The following RUNX1 variants were observed in gnomAD, a reference collection of about 807,000 sequenced individuals.
The protein encoded by RUNX1 is runt-related transcription factor 1.
A neutral mutation model predicts 42.8 loss-of-function variants in RUNX1; 19 were observed. The ratio of observed to expected loss-of-function variants is 0.44; its 90% CI spans 0.31 to 0.65. RUNX1 has a LOEUF of 0.65. Among genes scored for constraint, RUNX1 ranks in the 30% least tolerant of loss-of-function variants. The probability of loss-of-function intolerance (pLI) is 0.07; values close to 1 mark genes in which losing one functional copy is unlikely to be tolerated. For synonymous variants in RUNX1, 271 were observed against 289.4 expected, an observed-to-expected ratio of 0.94 and a Z score of 0.64; for missense variants, 528 against 672.0, an observed-to-expected ratio of 0.79 and a Z score of 2.37.
chr21:34,918,128 A>C (rs942221962), intron 2 of RUNX1, among the ~76,000 whole-genome samples: 7 of 46,306 alleles, frequency 1.5e-4, no homozygotes, highest in Non-Finnish European at 3.6e-4. Flanking sequence ...ACTCTGTCTC[A>C]AAAAAAAAAA....
chr21:34,836,881 T>A (rs2057154748), intron 6 of RUNX1, among the ~76,000 whole-genome samples: 1 of 152,184 alleles, frequency 6.6e-6, no homozygotes, highest in South Asian at 2.1e-4. Flanking sequence ...GGCAGTTGTG[T>A]CTCTCTTAGC....
chr21:34,923,449 C>T (rs1310660564), intron 2 of RUNX1, among the ~76,000 whole-genome samples: 1 of 152,180 alleles, frequency 6.6e-6, no homozygotes, highest in African/African-American at 2.4e-5. Context: ...GTTGTGACGT[C>T]ATGAAAACTT....
chr21:34,888,421 T>A, intron 3 of RUNX1: 3 of 1,066,602 alleles, frequency 2.8e-6, no homozygotes, highest in Non-Finnish European at 3.4e-6. Context: ...AGGAAAACAA[T>A]TGGGGAAAAG....
chr21:34,822,451 C>G (rs1010966885), intron 7 of RUNX1, among the ~76,000 whole-genome samples: 15 of 152,182 alleles, frequency 9.9e-5, no homozygotes, highest in African/African-American at 3.6e-4. Flanking sequence ...TCTGTGATAA[C>G]CCAGGTATAG....
intron 2 of RUNX1, among the ~76,000 whole-genome samples, chr21:34,991,808 G>A (rs1281101896): frequency 6.6e-6 from 1 of 152,154 alleles, no homozygotes; most frequent in Non-Finnish European, 1.5e-5. Flanking sequence ...GTTAAGACGA[G>A]GTCATCCTGG....
At chr21:34,941,173 T>C (rs879848981) in intron 2 of RUNX1, among the ~76,000 whole-genome samples, 22 of 152,210 alleles carry the variant, frequency 1.4e-4, no homozygotes, top group Non-Finnish European at 2.5e-4. Context: ...GTGACAACCC[T>C]GTGTTCCCTC....
intron 2 of RUNX1, among the ~76,000 whole-genome samples, chr21:35,026,842 C>A (rs2059240966): frequency 6.6e-6 from 1 of 152,352 alleles, no homozygotes; most frequent in East Asian, 1.9e-4. Flanking sequence ...AGCTCTGGTG[C>A]GCAGCGCGCC....
At chr21:34,861,549 C>T (rs1305815321) in intron 5 of RUNX1, among the ~76,000 whole-genome samples, 1 of 152,188 alleles carries the variant, frequency 6.6e-6, no homozygotes, top group Non-Finnish European at 1.5e-5. Context: ...ACTCCAGAAC[C>T]TGCTTTTAGG....
At chr21:34,852,050 C>G (rs1035426941) in intron 6 of RUNX1, among the ~76,000 whole-genome samples, 7 of 152,166 alleles carry the variant, frequency 4.6e-5, no homozygotes, top group African/African-American at 1.7e-4. Flanking sequence ...CACCTGTAGT[C>G]CCAGCTACTC....
At chr21:34,980,049 T>C (rs2058835551) in intron 2 of RUNX1, among the ~76,000 whole-genome samples, 2 of 152,178 alleles carry the variant, frequency 1.3e-5, no homozygotes, top group African/African-American at 4.8e-5. Context: ...GTGGAAGGAT[T>C]AAATGAGTCA....
At position 35,010,625 on chromosome 21, in the gene RUNX1, G is replaced by GCGCACA. The variant is rs376461042; in HGVS notation, c.58+38216_58+38217insTGTGCG. On this transcript the variant is annotated intron_variant, in intron 2 of 8. Transcript: ENST00000675419. ...CACACTACCGTGAGTACACACACAC[G>GCGCACA]CACACACACACACACACACACACAC... Among the ~76,000 whole-genome samples the GCGCACA allele has an allele frequency of 1.3e-3, 183 of 143,708 alleles. 1 individual carries two copies. Among genetic ancestry groups the GCGCACA allele is most frequent in the African/African-American group, 4.1e-3 (162 of 39,450 alleles). 94.3% of individuals were successfully genotyped at this position (143,708 alleles called of 152,430 possible).
intron 2 of RUNX1, among the ~76,000 whole-genome samples, chr21:34,982,770 A>G (rs552477848): frequency 1.3e-5 from 2 of 152,224 alleles, no homozygotes; most frequent in East Asian, 3.9e-4. Context: ...GGGTTTCACC[A>G]TGTTGGTCAG....
At chr21:35,040,679 G>A (rs2059350781) in intron 2 of RUNX1, among the ~76,000 whole-genome samples, 1 of 150,962 alleles carries the variant, frequency 6.6e-6, no homozygotes, top group Admixed American at 6.6e-5. Context: ...GGCTGAGGCA[G>A]GAGAATGGCT....
In RUNX1 at chr21:34,977,618, C is replaced by G. The variant is rs117377222; in HGVS notation, c.58+71224G>C. Among the ~76,000 whole-genome samples, 356 of 152,316 alleles carry G rather than the reference C, an allele frequency of 2.3e-3. 9 individuals are homozygous for G. The East Asian group carries it at 0.055, about 24-fold the overall frequency. ...TTAAACTGTCATTACAACATATACA[C>G]ATGGAAGTGGGGACAGTCAGGTATT... On this transcript the variant is annotated intron_variant, in intron 2 of 8. Coordinates refer to ENST00000675419, the MANE Select transcript of RUNX1 (RefSeq NM_001754.5).
intron 2 of RUNX1, among the ~76,000 whole-genome samples, chr21:34,916,391 A>G (rs1045686600): frequency 6.6e-6 from 1 of 152,226 alleles, no homozygotes; most frequent in South Asian, 2.1e-4. Flanking sequence ...GGAGAATTTG[A>G]GGGGTAACAT....
At position 34,889,590 on chromosome 21, in the gene RUNX1, C is replaced by T. The variant is rs570210988; in HGVS notation, c.98-2494G>A. On this transcript the variant is annotated intron_variant, in intron 3 of 8. Coordinates refer to ENST00000675419, the MANE Select transcript of RUNX1 (RefSeq NM_001754.5). ...AGCAGCCGGACAGCCTGCCCGGGCC[C>T]CGCGTCTCCCCTCCGGCTCCCCGGA... 2,829 of 914,508 alleles carry T rather than the reference C, an allele frequency of 3.1e-3. 5 individuals carry two copies. The highest frequency in any genetic ancestry group is 3.6e-3 in the Non-Finnish European group (2,683 of 739,402). 56.6% of individuals were successfully genotyped at this position (914,508 alleles called of 1,614,324 possible).
chr21:34,800,929 A>G (rs2056598890), intron 7 of RUNX1, among the ~76,000 whole-genome samples: 2 of 152,222 alleles, frequency 1.3e-5, no homozygotes, highest in Admixed American at 1.3e-4. Flanking sequence ...GAGGATTTAA[A>G]GAGCTGGCAA....
intron 6 of RUNX1, 33 bp downstream of exon 6, chr21:34,859,441 G>A: frequency 7.0e-7 from 1 of 1,436,578 alleles, no homozygotes; most frequent in Non-Finnish European, 9.8e-7. Flanking sequence ...TACCAGCCTG[G>A]AGGGTGTACC....
intron 6 of RUNX1, among the ~76,000 whole-genome samples, chr21:34,857,719 G>A (rs1569060370): frequency 6.6e-6 from 1 of 152,206 alleles, no homozygotes; most frequent in African/African-American, 2.4e-5. Context: ...ATTCAAGCCT[G>A]CTTCCTCTTT....
Sources: gnomAD v4.1 joint callset for allele counts (sites outside exome capture counted in the v4.1 genomes callset) on GRCh38, gnomAD v4.1.1 for gene constraint, MANE v1.5 for transcripts, NCBI Gene and HGNC (gene_info 2026-07-23, HGNC 2026-07-21) for gene names.